The following SLC35F4 variants were observed in gnomAD, a reference collection of about 807,000 sequenced individuals.
The protein encoded by SLC35F4 is chromosome 14 open reading frame 36.
A neutral mutation model predicts 44.2 loss-of-function variants in SLC35F4; 24 were observed. The observed-to-expected ratio is 0.54, with a 90% confidence interval of 0.39 to 0.76. The LOEUF (loss-of-function observed/expected upper bound fraction) is 0.76. SLC35F4 is among the 30% of genes least tolerant of loss of function. SLC35F4 has a pLI of 0.00. For synonymous variants in SLC35F4, 238 were observed against 223.6 expected, an observed-to-expected ratio of 1.06 and a Z score of -0.57; for missense variants, 562 against 586.1, an observed-to-expected ratio of 0.96 and a Z score of 0.42.
chr14:57,654,487 G>A (rs1034705695), intron 1 of SLC35F4, among the ~76,000 whole-genome samples: 1 of 152,016 alleles, frequency 6.6e-6, no homozygotes, highest in African/African-American at 2.4e-5. Flanking sequence ...TTATCCACTC[G>A]TTGGTTGATG....
chr14:57,781,165 C>A (rs1872764088), intron 1 of SLC35F4, among the ~76,000 whole-genome samples: 1 of 152,172 alleles, frequency 6.6e-6, no homozygotes. Flanking sequence ...GCAAGCAATG[C>A]ATCTGACAAA....
intron 1 of SLC35F4, among the ~76,000 whole-genome samples, chr14:57,683,857 A>G (rs756255484): frequency 8.6e-5 from 13 of 151,768 alleles, no homozygotes; most frequent in Non-Finnish European, 1.8e-4. Flanking sequence ...CCCAAGCCCA[A>G]CTCCTCTGGG....
rs764782025 is a variant in SLC35F4 at position 57,564,192 on chromosome 14, G to T, written c.1401C>A (p.Ser467Arg). ...EEHVDDVTDP[S>R]IHLRGRGRAN... ...CTCTGCCTCTGCCCCGCAGGTGTAT[G>T]CTGGGATCAGTCACATCATCCACAT... The change falls in exon 8 of 8, where the codon AGC (serine) becomes AGA (arginine). Residue 467 changes from serine to arginine, a missense_variant. Ser to Arg is a moderately radical substitution (Grantham distance 110). Transcript: ENST00000556826. The T allele has an allele frequency of 2.4e-5, 38 of 1,613,638 alleles. 1 individual carries two copies. The Middle Eastern group carries it at 4.8e-3, about 203-fold the overall frequency.
intron 1 of SLC35F4, among the ~76,000 whole-genome samples, chr14:57,640,272 T>C (rs990374684): frequency 8.6e-5 from 13 of 151,948 alleles, no homozygotes; most frequent in African/African-American, 3.1e-4. Context: ...AAATCCCCAC[T>C]GAATAGAGGA....
intron 1 of SLC35F4, among the ~76,000 whole-genome samples, chr14:57,782,654 G>A (rs1461290135): frequency 2.0e-5 from 3 of 152,182 alleles, no homozygotes; most frequent in Non-Finnish European, 4.4e-5. Context: ...CTGTTGCTGT[G>A]AGCTCAAGTG....
intron 1 of SLC35F4, among the ~76,000 whole-genome samples, chr14:57,691,398 C>T (rs2075227844): frequency 6.6e-6 from 1 of 152,130 alleles, no homozygotes; most frequent in African/African-American, 2.4e-5. Flanking sequence ...GGATTTTATA[C>T]ATGTTATAAA....
chr14:57,714,426 G>C (rs116038277), intron 1 of SLC35F4, among the ~76,000 whole-genome samples: 154 of 152,058 alleles, frequency 1.0e-3, no homozygotes, highest in African/African-American at 3.6e-3. Flanking sequence ...TTAAACTTAG[G>C]AATTCTGTGA....
In SLC35F4 at chr14:57,581,398, G is replaced by A. The variant is rs376426218; in HGVS notation, c.623C>T (p.Thr208Met). 9.9e-6 allele frequency: 16 copies of A among 1,612,074 alleles called. No individual in the cohort carries two copies. Among genetic ancestry groups the A allele is most frequent in the Admixed American group, 5.0e-5 (3 of 59,760 alleles). The change falls in exon 4 of 8, where the codon ACG becomes ATG. Residue 208 changes from threonine (T) to methionine (M), a missense_variant. Thr to Met is a moderately conservative substitution (Grantham distance 81, BLOSUM62 -1). Transcript: ENST00000556826. Reference protein sequence around the residue: ...CSRIFGEDGLTLKLFLKRTAP... With the variant: ...CSRIFGEDGLMLKLFLKRTAP... Reference sequence around the variant, plus strand: ...AGTTCTTTTAAGAAAGAGTTTCAGCGTCAGACCATCTTCACCAAAAATCCG... The same window carrying A: ...AGTTCTTTTAAGAAAGAGTTTCAGCATCAGACCATCTTCACCAAAAATCCG...
chr14:57,980,487 A>G (rs933605996), intron 1 of SLC35F4, among the ~76,000 whole-genome samples: 2 of 152,060 alleles, frequency 1.3e-5, no homozygotes, highest in Non-Finnish European at 2.9e-5. Context: ...TCTGCCAGGT[A>G]TTATAAAGCT....
At chr14:57,897,739 T>C (rs1888910594) in intron 1 of SLC35F4, among the ~76,000 whole-genome samples, 1 of 152,168 alleles carries the variant, frequency 6.6e-6, no homozygotes. Flanking sequence ...GGTTACTGCT[T>C]TTGAACCACA....
intron 1 of SLC35F4, among the ~76,000 whole-genome samples, chr14:57,805,348 C>G (rs1031288852): frequency 7.2e-5 from 11 of 152,120 alleles, no homozygotes; most frequent in Admixed American, 2.0e-4. Flanking sequence ...CTATTTACAA[C>G]AGCAAAGACA....
At chr14:57,970,739 T>C (rs1477928622) in intron 1 of SLC35F4, among the ~76,000 whole-genome samples, 2 of 152,180 alleles carry the variant, frequency 1.3e-5, no homozygotes, top group Admixed American at 6.5e-5. Flanking sequence ...AAATGTTGGA[T>C]AGCTCTGGGC....
chr14:57,648,400 A>G (rs571674848), intron 1 of SLC35F4, among the ~76,000 whole-genome samples: 35 of 152,326 alleles, frequency 2.3e-4, no homozygotes, highest in African/African-American at 8.4e-4. Flanking sequence ...AAGAAGCCTA[A>G]AAGAGCAATT....
chr14:57,639,718 T>C (rs548407185), intron 1 of SLC35F4, among the ~76,000 whole-genome samples: 56 of 152,130 alleles, frequency 3.7e-4, no homozygotes, highest in Admixed American at 2.5e-3. Context: ...TAAATGACAA[T>C]TGTCTAAGTC....
intron 1 of SLC35F4, among the ~76,000 whole-genome samples, chr14:57,758,406 T>C (rs569540514): frequency 1.3e-5 from 2 of 152,250 alleles, no homozygotes; most frequent in East Asian, 3.9e-4. Flanking sequence ...TCTATTGTTA[T>C]AACTTCAAGT....
At chr14:57,767,180 T>C (rs2077255413) in intron 1 of SLC35F4, among the ~76,000 whole-genome samples, 1 of 152,258 alleles carries the variant, frequency 6.6e-6, no homozygotes, top group South Asian at 2.1e-4. Flanking sequence ...ATAGAAGTAC[T>C]AGACAGAAAA....
At chr14:57,696,245 A>G (rs767808021) in intron 1 of SLC35F4, among the ~76,000 whole-genome samples, 22 of 152,206 alleles carry the variant, frequency 1.4e-4, no homozygotes, top group Non-Finnish European at 2.8e-4. Flanking sequence ...GAAAAAAACA[A>G]ACTCATCAAA....
chr14:57,762,577 G>A (rs1288263244), intron 1 of SLC35F4, among the ~76,000 whole-genome samples: 1 of 152,138 alleles, frequency 6.6e-6, no homozygotes, highest in Non-Finnish European at 1.5e-5. Flanking sequence ...AATTGCCATT[G>A]TGACAGTATT....
chr14:57,975,224 C>T (rs186976087), downstream of SLC35F4, among the ~76,000 whole-genome samples: 1,397 of 152,320 alleles, frequency 9.2e-3, 17 homozygotes, highest in African/African-American at 0.024. Flanking sequence ...TACAATCCTA[C>T]GTAGCAGGAA....
Sources: gnomAD v4.1 joint callset for allele counts (sites outside exome capture counted in the v4.1 genomes callset) on GRCh38, gnomAD v4.1.1 for gene constraint, MANE v1.5 for transcripts, NCBI Gene and HGNC (gene_info 2026-07-23, HGNC 2026-07-21) for gene names.